Variants in NEBL observed in about 807,000 individuals in gnomAD.
The protein encoded by NEBL is LIM and SH3 protein 2.
NEBL carries 122 observed loss-of-function variants against 140.2 expected under a neutral mutation model. The ratio of observed to expected loss-of-function variants is 0.87; its 90% CI spans 0.75 to 1.01. The LOEUF (loss-of-function observed/expected upper bound fraction) is 1.01, where lower values mean the gene tolerates loss of function less well. NEBL is among the 50% of genes least tolerant of loss of function. The pLI is 0.00. For missense variants in NEBL, 1,365 were observed against 1,231.3 expected, an observed-to-expected ratio of 1.11 and a Z score of -1.62; for synonymous variants, 436 against 398.9, an observed-to-expected ratio of 1.09 and a Z score of -1.11.
chr10:21,143,448 CAAAA>C (rs72021692), intron 2 of NEBL, among the ~76,000 whole-genome samples: 1 of 66,474 alleles, frequency 1.5e-5, no homozygotes, highest in African/African-American at 5.6e-5. Flanking sequence ...AACTTCATCT[CAAAA>C]AAAAAAAAAA....
At chr10:21,034,337 C>A (rs901744328) in intron 2 of NEBL, among the ~76,000 whole-genome samples, 10 of 151,832 alleles carry the variant, frequency 6.6e-5, no homozygotes, top group African/African-American at 9.7e-5. Flanking sequence ...ATAACAAGAA[C>A]AACCACTACC....
intron 3 of NEBL, among the ~76,000 whole-genome samples, chr10:21,015,513 G>GT (rs1331332788): frequency 3.3e-5 from 5 of 152,244 alleles, no homozygotes; most frequent in East Asian, 1.9e-4. Context: ...GTTTTTTGGG[G>GT]TTTTTTGTTT....
chr10:20,920,306 CA>C (rs1027766484), intron 4 of NEBL, among the ~76,000 whole-genome samples: 1 of 152,160 alleles, frequency 6.6e-6, no homozygotes, highest in Non-Finnish European at 1.5e-5. Flanking sequence ...AACCAACCCT[CA>C]GGGGTACTGG....
chr10:21,281,554 T>A (rs1308618639), intron 1 of NEBL, among the ~76,000 whole-genome samples: 1 of 152,004 alleles, frequency 6.6e-6, no homozygotes, highest in Non-Finnish European at 1.5e-5. Context: ...GGGTAAAATG[T>A]GCAGAGTTCC....
At chr10:20,837,853 A>G (rs1841041544) in intron 13 of NEBL, among the ~76,000 whole-genome samples, 1 of 152,192 alleles carries the variant, frequency 6.6e-6, no homozygotes, top group Non-Finnish European at 1.5e-5. Context: ...TGCTTTATAA[A>G]TGGAATAACA....
intron 2 of NEBL, among the ~76,000 whole-genome samples, chr10:21,053,601 C>T (rs1834874748): frequency 1.3e-5 from 2 of 152,128 alleles, no homozygotes; most frequent in South Asian, 2.1e-4. Flanking sequence ...AAGCCTCATC[C>T]AATGTTCCCT....
intron 5 of NEBL, among the ~76,000 whole-genome samples, chr10:20,874,592 G>T (rs557102103): frequency 6.6e-6 from 1 of 152,138 alleles, no homozygotes; most frequent in Admixed American, 6.6e-5. Context: ...TGGTAACACT[G>T]TAAAGCCTCC....
At chr10:21,012,296 G>A (rs919310142) in intron 3 of NEBL, among the ~76,000 whole-genome samples, 6 of 152,114 alleles carry the variant, frequency 3.9e-5, no homozygotes, top group Non-Finnish European at 5.9e-5. Context: ...GAAGCAGGAT[G>A]GCAGAGCATG....
chr10:20,809,956 A>AAG, intron 24 of NEBL, 58 bp from the exon 25 acceptor site: 1 of 1,288,476 alleles, frequency 7.8e-7, no homozygotes, highest in Non-Finnish European at 1.1e-6. Flanking sequence ...AAAGGAAAAA[A>AAG]AAAAAAAAAA....
intron 2 of NEBL, among the ~76,000 whole-genome samples, chr10:21,114,683 A>G (rs1420893096): frequency 2.0e-5 from 3 of 152,060 alleles, no homozygotes; most frequent in South Asian, 4.1e-4. Context: ...GCTCAGAAAT[A>G]TACGTTGTCC....
chr10:21,100,532 TG>T (rs1439475331), intron 2 of NEBL, among the ~76,000 whole-genome samples: 3 of 152,182 alleles, frequency 2.0e-5, no homozygotes, highest in Non-Finnish European at 4.4e-5. Context: ...CCGTGAACCC[TG>T]GGGGGCTGAC....
intron 2 of NEBL, among the ~76,000 whole-genome samples, chr10:21,125,021 T>G (rs996570890): frequency 1.3e-5 from 2 of 152,146 alleles, no homozygotes; most frequent in Non-Finnish European, 1.5e-5. Flanking sequence ...AGTGCAGTGT[T>G]GAGAGGTGAC....
At position 21,171,956 on chromosome 10, in the gene NEBL, T is replaced by C. The variant is rs1357365527; in HGVS notation, c.164+427A>G. 2.0e-5 allele frequency: 5 copies of C among 244,188 alleles called. No individual in the cohort carries two copies. In the South Asian group the frequency reaches 2.2e-4, roughly 11 times the overall value. 15.1% of individuals were successfully genotyped at this position (244,188 alleles called of 1,614,324 possible). ...TGCAGTGGTCTCAGCTAAGACCAAATGAGCAAGACTCCTTTCCATAGCAAC... is the reference window on the plus strand; with the variant it reads ...TGCAGTGGTCTCAGCTAAGACCAAACGAGCAAGACTCCTTTCCATAGCAAC... On this transcript the variant is annotated intron_variant, in intron 2 of 6. Coordinates refer to the NEBL transcript ENST00000417816.
At chr10:21,194,165 T>G (rs28654891) in intron 3 of NEBL, among the ~76,000 whole-genome samples, 13,484 of 151,854 alleles carry the variant, frequency 0.089, 1,997 homozygotes, top group African/African-American at 0.3. Context: ...AGAGATGGGA[T>G]TTCAATATTT....
intron 3 of NEBL, among the ~76,000 whole-genome samples, chr10:21,002,947 T>G (rs1227640922): frequency 6.6e-6 from 1 of 151,348 alleles, no homozygotes; most frequent in Non-Finnish European, 1.5e-5. Flanking sequence ...TAAAATGCCT[T>G]AGACTGAACC....
chr10:20,908,757 T>A (rs1340651395), intron 4 of NEBL, among the ~76,000 whole-genome samples: 1 of 152,160 alleles, frequency 6.6e-6, no homozygotes, highest in Non-Finnish European at 1.5e-5. Flanking sequence ...GCACTGTGAG[T>A]AACAACAAAA....
intron 2 of NEBL, among the ~76,000 whole-genome samples, chr10:21,070,931 CT>C (rs1225015929): frequency 6.6e-6 from 1 of 152,082 alleles, no homozygotes; most frequent in Non-Finnish European, 1.5e-5. Context: ...AACCCCAACA[CT>C]TTGGGAGACT....
rs901638382 is a variant in NEBL, at chr10:20,789,935, G to GTA, written c.2762-2629_2762-2628dup. On this transcript the variant is annotated intron_variant, in intron 26 of 27. Coordinates refer to ENST00000377122, the MANE Select transcript of NEBL (RefSeq NM_006393.3). The stretch of plus-strand genomic sequence containing the variant: ...TATATATATATGTGTGTGTATATGT[G>GTA]TATATATATATGTGTGTGTATATAT... Among the ~76,000 whole-genome samples, 63 of 148,892 alleles carry GTA rather than the reference G, an allele frequency of 4.2e-4. No homozygotes were observed. The Middle Eastern group carries it at 0.014, about 34-fold the overall frequency.
rs374459752 is a variant in NEBL, at chr10:21,097,331, C to T, written c.164+75052G>A. ...AAAATTAGCCAGGTATGGTGGCGGG[C>T]GCCTGTAATCTCAGCAACTCAGGAG... On this transcript the variant is annotated intron_variant, in intron 2 of 6. Coordinates refer to the NEBL transcript ENST00000417816. Among the ~76,000 whole-genome samples the T allele has an allele frequency of 1.4e-4, 21 of 151,722 alleles. No homozygotes were observed. The East Asian group carries it at 3.3e-3, about 24-fold the overall frequency.
Sources: gnomAD v4.1 joint callset for allele counts (sites outside exome capture counted in the v4.1 genomes callset) on GRCh38, gnomAD v4.1.1 for gene constraint, MANE v1.5 for transcripts, NCBI Gene and HGNC (gene_info 2026-07-23, HGNC 2026-07-21) for gene names.